Variants in RAP1A observed in about 807,000 individuals in gnomAD.
The protein encoded by RAP1A is RAP1A, member of RAS oncogene family.
In RAP1A, 6 loss-of-function variants were observed where a neutral mutation model predicts 26.4. The observed-to-expected ratio is 0.23, with a 90% CI of 0.12 to 0.45. RAP1A has a LOEUF of 0.45. Among genes scored for constraint, RAP1A ranks in the 20% least tolerant of loss-of-function variants. RAP1A has a pLI of 0.99. For synonymous variants in RAP1A, 73 were observed against 79.4 expected (o/e 0.92, Z 0.43); for missense variants, 121 against 217.2 (o/e 0.56, Z 2.78).
chr1:111,592,564 T>C (rs1658489519), intron 1 of RAP1A, among the ~76,000 whole-genome samples: 6 of 152,236 alleles, frequency 3.9e-5, no homozygotes, highest in Admixed American at 3.9e-4. Context: ...TTGGCCAAGT[T>C]AACACAGTTT....
chr1:111,569,391 CA>C (rs34387699), intron 1 of RAP1A, among the ~76,000 whole-genome samples: 87,515 of 104,562 alleles, frequency 0.84, 36,174 homozygotes, highest in Admixed American at 0.89. Flanking sequence ...ACTCCGTCTC[CA>C]AAAAAAAAAA....
At chr1:111,627,094 A>AT (rs141679571) in intron 1 of RAP1A, among the ~76,000 whole-genome samples, 198 of 151,336 alleles carry the variant, frequency 1.3e-3, no homozygotes, top group Non-Finnish European at 2.1e-3. Flanking sequence ...CTGCTTAAAC[A>AT]TTTTTTTTTC....
intron 1 of RAP1A, among the ~76,000 whole-genome samples, chr1:111,609,253 T>C (rs964926909): frequency 3.3e-5 from 5 of 152,148 alleles, no homozygotes; most frequent in Admixed American, 2.6e-4. Context: ...AAGGGAAGGA[T>C]TTGAGAATGC....
intron 4 of RAP1A, among the ~76,000 whole-genome samples, chr1:111,702,070 G>T (rs1662037595): frequency 6.6e-6 from 1 of 152,164 alleles, no homozygotes; most frequent in Admixed American, 6.5e-5. Context: ...ATACAAGAAA[G>T]AGTACATCAG....
intron 4 of RAP1A, among the ~76,000 whole-genome samples, chr1:111,700,641 C>G (rs952042272): frequency 6.6e-6 from 1 of 152,148 alleles, no homozygotes; most frequent in African/African-American, 2.4e-5. Flanking sequence ...GCTCTTATAT[C>G]TAACTGCCTC....
intron 1 of RAP1A, among the ~76,000 whole-genome samples, chr1:111,564,314 A>G (rs1241731184): frequency 6.6e-6 from 1 of 152,118 alleles, no homozygotes; most frequent in Non-Finnish European, 1.5e-5. Flanking sequence ...CTGTCAATAA[A>G]TATTTATCAA....
At chr1:111,689,817 C>T (rs1452195650) in intron 1 of RAP1A, among the ~76,000 whole-genome samples, 3 of 152,040 alleles carry the variant, frequency 2.0e-5, no homozygotes, top group African/African-American at 7.2e-5. Context: ...CCACAGGCAC[C>T]CGCCACCCGC....
At chr1:111,689,024 T>C (rs1661588094) in intron 1 of RAP1A, among the ~76,000 whole-genome samples, 1 of 151,858 alleles carries the variant, frequency 6.6e-6, no homozygotes, top group Non-Finnish European at 1.5e-5. Context: ...TTGGTAGAGA[T>C]GAAGTTTCAC....
chr1:111,686,925 AAC>A (rs1043897412), intron 1 of RAP1A, among the ~76,000 whole-genome samples: 1 of 152,030 alleles, frequency 6.6e-6, no homozygotes, highest in African/African-American at 2.4e-5. Context: ...CAGGCAACAA[AAC>A]ACAGCAGTAA....
chr1:111,619,308 C>T (rs1212613060), upstream of RAP1A, among the ~76,000 whole-genome samples: 1 of 152,140 alleles, frequency 6.6e-6, no homozygotes, highest in Non-Finnish European at 1.5e-5. Context: ...TCACCCTATC[C>T]TCTGCTTTAT....
At chr1:111,568,085 C>T (rs1404310303) in intron 1 of RAP1A, among the ~76,000 whole-genome samples, 1 of 152,202 alleles carries the variant, frequency 6.6e-6, no homozygotes, top group African/African-American at 2.4e-5. Flanking sequence ...GTTTAGTGTC[C>T]TTTTACCACA....
intron 1 of RAP1A, among the ~76,000 whole-genome samples, chr1:111,680,132 C>T (rs576237649): frequency 1.1e-3 from 160 of 152,288 alleles, no homozygotes; most frequent in Middle Eastern, 0.01. Context: ...TGGTTCCTTC[C>T]GGTGGGTTCT....
At chr1:111,663,409 C>A (rs1427539977) in intron 1 of RAP1A, among the ~76,000 whole-genome samples, 1 of 152,210 alleles carries the variant, frequency 6.6e-6, no homozygotes, top group East Asian at 1.9e-4. Flanking sequence ...GCTTTCCATT[C>A]TTGTCTTGCA....
At chr1:111,599,143 G>A (rs7548973) in intron 1 of RAP1A, among the ~76,000 whole-genome samples, 10,456 of 152,066 alleles carry the variant, frequency 0.069, 362 homozygotes, top group South Asian at 0.089. Context: ...ATTCTTTTGT[G>A]TTTTTATGGA....
intron 1 of RAP1A, among the ~76,000 whole-genome samples, chr1:111,614,650 T>A (rs1658983366): frequency 6.6e-6 from 1 of 152,192 alleles, no homozygotes; most frequent in South Asian, 2.1e-4. Context: ...CTGAACTTCA[T>A]GTTAGAAAAG....
intron 1 of RAP1A, among the ~76,000 whole-genome samples, chr1:111,640,313 ATG>A (rs1332340663): frequency 1.5e-5 from 2 of 134,044 alleles, no homozygotes; most frequent in South Asian, 2.1e-4. Context: ...TTATAAAACT[ATG>A]TGATATTTTG....
intron 1 of RAP1A, among the ~76,000 whole-genome samples, chr1:111,547,146 G>A (rs1454530883): frequency 1.3e-5 from 2 of 152,096 alleles, no homozygotes; most frequent in Non-Finnish European, 2.9e-5. Context: ...TAGAAGTAGT[G>A]AGAATAGTAA....
At chr1:111,566,577 C>G (rs922366431) in intron 1 of RAP1A, among the ~76,000 whole-genome samples, 3 of 152,186 alleles carry the variant, frequency 2.0e-5, no homozygotes, top group Non-Finnish European at 2.9e-5. Flanking sequence ...GGAATTTCAC[C>G]TGGGCATCTT....
In RAP1A at chr1:111,653,336, G is replaced by T. The variant is rs191744888; in HGVS notation, c.-28+33402G>T. Among the ~76,000 whole-genome samples, 38 of 152,204 alleles carry T rather than the reference G, an allele frequency of 2.5e-4. 1 individual carries two copies. The East Asian group carries it at 6.9e-3, about 28-fold the overall frequency. Reference sequence around the variant, plus strand: ...AATATTCAGAAATTAGATAGTGATGGTGGTTATAACAGCCTTGTGAATATA... The same window carrying T: ...AATATTCAGAAATTAGATAGTGATGTTGGTTATAACAGCCTTGTGAATATA... On this transcript the variant is annotated intron_variant, in intron 1 of 7. Coordinates refer to ENST00000369709, the MANE Select transcript of RAP1A (RefSeq NM_002884.4).
Sources: allele counts gnomAD v4.1 joint callset (sites outside exome capture counted in the v4.1 genomes callset), GRCh38; gene constraint gnomAD v4.1.1; transcripts MANE v1.5; gene names NCBI Gene and HGNC (gene_info 2026-07-23, HGNC 2026-07-21).